CCDC92: variants seen among roughly 807,000 people sequenced by gnomAD.
CCDC92 encodes the protein coiled-coil domain containing 92, also known as coiled-coil domain-containing protein 92.
A neutral mutation model predicts 24.9 loss-of-function variants in CCDC92; 12 were observed. That is an observed-to-expected ratio of 0.48 (90% confidence interval 0.31 to 0.78). The LOEUF (loss-of-function observed/expected upper bound fraction) is 0.78. CCDC92 is among the 30% of genes least tolerant of loss of function. CCDC92 has a pLI of 0.05. For synonymous variants in CCDC92, 193 were observed against 196.3 expected (o/e 0.98, Z 0.14); for missense variants, 399 against 439.4 (o/e 0.91, Z 0.82).
Position 123,944,156 on chromosome 12 carries a change from A to G in CCDC92, c.34+116T>C. ...CAGATCCTTCTTGGGAAGGTCTGAG[A>G]ACGTATCTCATGGGGCCAGGGGGTG... On this transcript the variant is annotated intron_variant, in intron 2 of 4. Coordinates refer to ENST00000238156, the MANE Select transcript of CCDC92 (RefSeq NM_025140.3). The G allele has an allele frequency of 4.1e-6, 3 of 736,382 alleles. No homozygotes were observed. In the South Asian group the frequency reaches 4.4e-5, roughly 11 times the overall value. 45.6% of individuals were successfully genotyped at this position (736,382 alleles called of 1,614,324 possible). A position where few individuals can be genotyped will look rare whatever the true frequency, so the allele number is the denominator to read the frequency against.
intron 1 of CCDC92, among the ~76,000 whole-genome samples, chr12:123,970,697 T>C (rs1956506220): frequency 6.6e-6 from 1 of 152,262 alleles, no homozygotes. Flanking sequence ...TCAGTAGATA[T>C]AATTAATCTT....
intron 2 of CCDC92, 97 bp downstream of exon 2, chr12:123,944,174 AG>A: frequency 6.3e-6 from 5 of 792,574 alleles, no homozygotes; most frequent in Admixed American, 1.9e-5. Context: ...TCATGGGGCC[AG>A]GGGGTGGTGC....
intron 1 of CCDC92, among the ~76,000 whole-genome samples, chr12:123,966,902 TAGAC>T (rs1351469476): frequency 6.6e-6 from 1 of 152,164 alleles, no homozygotes; most frequent in Admixed American, 6.5e-5. Context: ...AACCTCCAAA[TAGAC>T]AGCTGTCAAC....
rs1198807059 is a variant in CCDC92 at position 123,935,662 on chromosome 12, A to C, written c.*1396T>G. The C allele has an allele frequency of 1.1e-5, 6 of 569,598 alleles. No individual in the cohort carries two copies. The highest frequency in any genetic ancestry group is 9.3e-5 in the African/African-American group (5 of 54,032). 35.3% of individuals were successfully genotyped at this position (569,598 alleles called of 1,614,324 possible). ...ATTAACCTGAATGGTTTTGTTTTTAATACTACTTTTTAAAAGGAATTTATA... is the reference window on the plus strand; with the variant it reads ...ATTAACCTGAATGGTTTTGTTTTTACTACTACTTTTTAAAAGGAATTTATA... On this transcript the variant is annotated 3_prime_UTR_variant, in exon 5 of 5. Coordinates refer to ENST00000238156, the MANE Select transcript of CCDC92 (RefSeq NM_025140.3).
At chr12:123,942,898 G>C in intron 3 of CCDC92, 113 bp from the exon 4 acceptor site, 1 of 856,948 alleles carries the variant, frequency 1.2e-6, no homozygotes, top group Non-Finnish European at 2.0e-6. Context: ...TACCCAGACA[G>C]AGCAGGGTTT....
intron 4 of CCDC92, among the ~76,000 whole-genome samples, chr12:123,940,241 G>A (rs2137881706): frequency 6.6e-6 from 1 of 152,338 alleles, no homozygotes; most frequent in South Asian, 2.1e-4. Flanking sequence ...AGATGTCAAA[G>A]AACCTGCCCA....
intron 1 of CCDC92, among the ~76,000 whole-genome samples, chr12:123,959,884 T>A (rs1956234654): frequency 2.0e-5 from 3 of 152,240 alleles, no homozygotes. Flanking sequence ...TAGAGCTATG[T>A]GTTTACTATC....
At chr12:123,947,348 G>A (rs1033491516) in intron 1 of CCDC92, among the ~76,000 whole-genome samples, 3 of 152,186 alleles carry the variant, frequency 2.0e-5, no homozygotes, top group Admixed American at 2.0e-4. Context: ...GAGTGCAAAC[G>A]TACGGCGCGG....
chr12:123,968,576 A>G (rs1429384349), intron 1 of CCDC92: 1 of 152,218 alleles, frequency 6.6e-6, no homozygotes, highest in Admixed American at 6.5e-5. Flanking sequence ...CTTCATGCAT[A>G]CAGCATAAAT....
chr12:123,937,200 T>C lies in CCDC92; in HGVS notation c.854A>G (p.His285Arg), dbSNP rs1448621465. The change falls in exon 5 of 5, where the codon CAC becomes CGC. Residue 285 changes from histidine to arginine, a missense_variant. His to Arg is a conservative substitution (Grantham distance 29, BLOSUM62 0). Transcript: ENST00000238156. The surrounding 1 kb of genome is among the most constrained non-coding windows in gnomAD (Gnocchi z 8.4). ...EQHSPAREKP[H>R]KAHVGVAHRI... ...ATGTGCCACCCCGACGTGGGCCTTGTGCGGCTTTTCGCGGGCCGGGCTGTG... is the reference window on the plus strand; with the variant it reads ...ATGTGCCACCCCGACGTGGGCCTTGCGCGGCTTTTCGCGGGCCGGGCTGTG... 2 of 1,609,786 alleles carry C rather than the reference T, an allele frequency of 1.2e-6. No individual in the cohort carries two copies. Among genetic ancestry groups the C allele is most frequent in the South Asian group, 1.1e-5 (1 of 90,994 alleles).
At chr12:123,938,940 C>T (rs894932653) in intron 4 of CCDC92, among the ~76,000 whole-genome samples, 4 of 152,220 alleles carry the variant, frequency 2.6e-5, no homozygotes, top group East Asian at 3.9e-4. Flanking sequence ...CTCTGGTCTT[C>T]GTTTCAGCCC....
At chr12:123,944,046 A>T in intron 2 of CCDC92, 1 of 530,610 alleles carries the variant, frequency 1.9e-6, no homozygotes, top group Non-Finnish European at 3.3e-6. Flanking sequence ...TCTAAATGGC[A>T]TCTGGAGCCA....
At chr12:123,952,473 G>T (rs1408103621) in intron 1 of CCDC92, among the ~76,000 whole-genome samples, 2 of 152,188 alleles carry the variant, frequency 1.3e-5, no homozygotes, top group African/African-American at 4.8e-5. Flanking sequence ...GCTAAAAAAT[G>T]GTCCATGGCT....
Position 123,937,336 on chromosome 12 carries a change from T to C in CCDC92, c.718A>G (p.Met240Val). 1 of 1,613,922 alleles carries C rather than the reference T, an allele frequency of 6.2e-7. No individual in the cohort carries two copies. The highest frequency in any genetic ancestry group is 1.7e-5 in the Admixed American group (1 of 60,026). ...AGCAGAAATGGGGTGGGGTCGGGCA[T>C]AGCATCCACTGGTTCCCGCAAAAGG... ...KLLLREPVDA[M>V]PDPTPFLLAR... The change falls in exon 5 of 5, where the codon ATG becomes GTG. Residue 240 changes from methionine to valine, a missense_variant. Met to Val is a conservative substitution (Grantham distance 21). Coordinates refer to ENST00000238156, the MANE Select transcript of CCDC92 (RefSeq NM_025140.3). The surrounding 1 kb of genome is among the most constrained non-coding windows in gnomAD (Gnocchi z 8.4).
At chr12:123,954,853 C>T (rs1236067313) in intron 1 of CCDC92, among the ~76,000 whole-genome samples, 1 of 152,218 alleles carries the variant, frequency 6.6e-6, no homozygotes, top group Non-Finnish European at 1.5e-5. Context: ...GCAGACCCCA[C>T]CCCAGGAGGA....
chr12:123,951,851 G>C (rs946987452), intron 1 of CCDC92, among the ~76,000 whole-genome samples: 2 of 152,216 alleles, frequency 1.3e-5, no homozygotes, highest in African/African-American at 4.8e-5. Context: ...CTAGCAGTGA[G>C]GTGGTTTTCT....
intron 1 of CCDC92, among the ~76,000 whole-genome samples, chr12:123,954,980 G>A (rs985015728): frequency 6.6e-6 from 1 of 152,220 alleles, no homozygotes; most frequent in African/African-American, 2.4e-5. Context: ...TGCTTCTGGG[G>A]GAGGAGGTGA....
At chr12:123,970,162 A>G (rs1418192017) in intron 1 of CCDC92, 1 of 152,214 alleles carries the variant, frequency 6.6e-6, no homozygotes, top group African/African-American at 2.4e-5. Context: ...GCATAAGAAA[A>G]CAAAAAACAA....
intron 1 of CCDC92, chr12:123,945,010 G>C (rs2137944138): frequency 6.6e-6 from 1 of 152,138 alleles, no homozygotes; most frequent in East Asian, 1.9e-4. Flanking sequence ...ATCTACCAAA[G>C]GGAAATTATT....
Sources: gnomAD v4.1 joint callset for allele counts (sites outside exome capture counted in the v4.1 genomes callset) on GRCh38, gnomAD v4.1.1 for gene constraint, Gnocchi (gnomAD v3.1) non-coding constraint, MANE v1.5 for transcripts, NCBI Gene and HGNC (gene_info 2026-07-23, HGNC 2026-07-21) for gene names.